XIRP2: variants seen among roughly 807,000 people sequenced by gnomAD.
XIRP2 encodes the protein xin actin binding repeat containing 2.
Under a neutral mutation model 277.0 loss-of-function variants are expected in XIRP2, and 236 were observed. That is an observed-to-expected ratio of 0.85 (90% CI 0.77 to 0.95). The LOEUF (loss-of-function observed/expected upper bound fraction) is 0.95, where lower values mean the gene tolerates loss of function less well. Ranked by LOEUF, XIRP2 falls within the 40% of genes least tolerant of loss-of-function variation. The pLI is 0.00. For synonymous variants in XIRP2, 1,490 were observed against 1,416.5 expected, an observed-to-expected ratio of 1.05 and a Z score of -1.17; for missense variants, 4,640 against 4,157.5, an observed-to-expected ratio of 1.12 and a Z score of -3.19.
chr2:167,115,003 C>A (rs1167554368), intron 2 of XIRP2, among the ~76,000 whole-genome samples: 1 of 152,090 alleles, frequency 6.6e-6, no homozygotes, highest in Non-Finnish European at 1.5e-5. Flanking sequence ...AGTTCTAGAT[C>A]CCTGAGGAAT....
At chr2:167,147,342 G>C (rs1373809211) in intron 3 of XIRP2, among the ~76,000 whole-genome samples, 2 of 152,114 alleles carry the variant, frequency 1.3e-5, no homozygotes, top group Admixed American at 1.3e-4. Context: ...CCAGCTCCTG[G>C]GAAACAACCT....
chr2:166,904,045 C>A (rs1684456373), intron 2 of XIRP2, among the ~76,000 whole-genome samples, 155 bp downstream of exon 2: 1 of 152,070 alleles, frequency 6.6e-6, no homozygotes, highest in South Asian at 2.1e-4. Context: ...ACATCCTCTC[C>A]TATTAATTTT....
chr2:167,075,840 A>T lies in XIRP2; in HGVS notation c.409-60069A>T, dbSNP rs575683447. On this transcript the variant is annotated intron_variant, in intron 2 of 10. Coordinates refer to ENST00000409195, the MANE Select transcript of XIRP2 (RefSeq NM_152381.6). ...TTTTTTTTTTGTATTTTTAGTATTGATGGGGTTTCGCCATGTTGGCCAGGT... is the reference window on the plus strand; with the variant it reads ...TTTTTTTTTTGTATTTTTAGTATTGTTGGGGTTTCGCCATGTTGGCCAGGT... Among the ~76,000 whole-genome samples, 6 of 144,788 alleles carry T rather than the reference A, an allele frequency of 4.1e-5. No homozygotes were observed. In the East Asian group the frequency reaches 1.2e-3, roughly 30 times the overall value. 95.0% of individuals were successfully genotyped at this position (144,788 alleles called of 152,430 possible). A position where few individuals can be genotyped will look rare whatever the true frequency, so the allele number is the denominator to read the frequency against.
chr2:167,055,044 T>C, intron 2 of XIRP2, among the ~76,000 whole-genome samples: 1 of 152,230 alleles, frequency 6.6e-6, no homozygotes, highest in Non-Finnish European at 1.5e-5. Context: ...CTGTTTGAAC[T>C]CAGCTAGACT....
At position 167,251,900 on chromosome 2, in the gene XIRP2, C is replaced by T. The variant is rs1191284659; in HGVS notation, c.10508C>T (p.Ala3503Val). The T allele has an allele frequency of 2.5e-6, 4 of 1,591,854 alleles. No homozygotes were observed. Among genetic ancestry groups the T allele is most frequent in the Non-Finnish European group, 2.6e-6 (3 of 1,171,768 alleles). Residue 3503 changes from alanine to valine, a missense_variant, in exon 9 of 11, where the codon GCA becomes GTA. Transcript: ENST00000409195. ...GGATATGCAACCGCAGATGCTTCTGCAACTGAGATGAGAACCACCTTCCAA... is the reference window on the plus strand; with the variant it reads ...GGATATGCAACCGCAGATGCTTCTGTAACTGAGATGAGAACCACCTTCCAA... ...GLGYATADAS[A>V]TEMRTTFQEE...
intron 2 of XIRP2, among the ~76,000 whole-genome samples, chr2:167,059,598 C>T (rs79207593): frequency 0.079 from 11,946 of 152,074 alleles, 846 homozygotes; most frequent in African/African-American, 0.18. Flanking sequence ...AATCAACTTA[C>T]GGGGAAATTG....
Position 167,244,605 on chromosome 2 carries a change from T to C in XIRP2, c.3213T>C (p.Ser1071=), listed in dbSNP as rs150100228. ...TQPLDSIKYF[S]DVEETESKTE... is the part of the protein sequence containing the mutation. ...CTCTTGATTCAATTAAATATTTTAG[T>C]GATGTGGAAGAAACAGAAAGTAAAA... Residue 1071 remains serine, a synonymous_variant, in exon 9 of 11, where the codon AGT becomes AGC. Transcript: ENST00000409195. 1 of 1,612,622 alleles carries C rather than the reference T, an allele frequency of 6.2e-7. No homozygotes were observed. Among genetic ancestry groups the C allele is most frequent in the African/African-American group, 1.3e-5 (1 of 74,920 alleles).
rs763439086 is a variant in XIRP2, at chr2:167,248,468, G to T, written c.7076G>T (p.Ser2359Ile). 1.2e-6 allele frequency: 2 copies of T among 1,613,394 alleles called. No individual in the cohort carries two copies. The highest frequency in any genetic ancestry group is 1.7e-6 in the Non-Finnish European group (2 of 1,179,712). Residue 2359 changes from serine (S) to isoleucine (I), a missense_variant, in exon 9 of 11, where the codon AGT becomes ATT. By Grantham distance (142) the Ser-to-Ile change is moderately radical (BLOSUM62 -2). Coordinates refer to ENST00000409195, the MANE Select transcript of XIRP2 (RefSeq NM_152381.6). ...GTAGATGAGAAATCTGAAAGAGAAA[G>T]TTCATCGATGTTTCTGCCGCCTCCT... ...PPVDEKSERE[S>I]SSMFLPPPPP...
chr2:167,027,308 C>G (rs890413802), intron 2 of XIRP2, among the ~76,000 whole-genome samples: 8 of 152,134 alleles, frequency 5.3e-5, no homozygotes, highest in Non-Finnish European at 1.0e-4. Flanking sequence ...GCTCCTGAGG[C>G]TTCTACATTC....
intron 2 of XIRP2, among the ~76,000 whole-genome samples, chr2:166,911,542 A>G (rs1487393100): frequency 6.6e-6 from 1 of 152,032 alleles, no homozygotes; most frequent in Non-Finnish European, 1.5e-5. Flanking sequence ...CAGCAACCTG[A>G]TGGGTCTTGA....
intron 2 of XIRP2, among the ~76,000 whole-genome samples, chr2:166,982,000 C>T (rs1260941445): frequency 6.6e-6 from 1 of 152,134 alleles, no homozygotes; most frequent in Non-Finnish European, 1.5e-5. Context: ...TCAGCTTTAA[C>T]AACTTTCTTT....
Position 167,248,364 on chromosome 2 carries a change from G to A in XIRP2, c.6972G>A (p.Gly2324=). Residue 2324 remains glycine, a synonymous_variant, in exon 9 of 11, where the codon GGG becomes GGA. Transcript: ENST00000409195. ...TGATGATGTTTCCTGAAAAAAATGG[G>A]TTTCTTCCCTCACTGTCCACAGAGA... ...PPLMMFPEKN[G]FLPSLSTEKI... 6.2e-7 allele frequency: 1 copy of A among 1,613,378 alleles called. No homozygotes were observed. Among genetic ancestry groups the A allele is most frequent in the Non-Finnish European group, 8.5e-7 (1 of 1,179,762 alleles).
intron 2 of XIRP2, among the ~76,000 whole-genome samples, chr2:167,082,296 T>G (rs2105263336): frequency 6.6e-6 from 1 of 152,314 alleles, no homozygotes; most frequent in East Asian, 1.9e-4. Context: ...TATGGCTGCA[T>G]AGTATTGCAT....
chr2:167,016,680 C>A (rs1687834438), intron 2 of XIRP2, among the ~76,000 whole-genome samples: 1 of 151,784 alleles, frequency 6.6e-6, no homozygotes, highest in Admixed American at 6.6e-5. Flanking sequence ...GGAGGAAATG[C>A]CTATGAAAAA....
intron 3 of XIRP2, among the ~76,000 whole-genome samples, chr2:167,157,418 CA>C (rs1692233108): frequency 6.6e-6 from 1 of 152,112 alleles, no homozygotes; most frequent in South Asian, 2.1e-4. Context: ...TCCTAGATCT[CA>C]AAGTCAATAT....
intron 2 of XIRP2, among the ~76,000 whole-genome samples, chr2:167,013,103 G>A (rs376868205): frequency 5.3e-4 from 80 of 151,056 alleles, no homozygotes; most frequent in East Asian, 1.8e-3. Flanking sequence ...AAACTATATC[G>A]TAGCTCTGAT....
At chr2:167,028,361 G>A (rs1362468215) in intron 2 of XIRP2, among the ~76,000 whole-genome samples, 1 of 152,010 alleles carries the variant, frequency 6.6e-6, no homozygotes, top group Admixed American at 6.6e-5. Context: ...AGGACATACT[G>A]AGAGACTCCA....
rs2105337173 is a variant in XIRP2 at position 166,903,958 on chromosome 2, T to C, written c.408+68T>C. The C allele has an allele frequency of 1.3e-6, 2 of 1,522,904 alleles. 1 individual carries two copies. The highest frequency in any genetic ancestry group is 2.5e-5 in the South Asian group (2 of 80,204). 94.3% of individuals were successfully genotyped at this position (1,522,904 alleles called of 1,614,324 possible). ...CCTTGCCTAGCCTACCATTTATTAC[T>C]AAGCATGTAATCTTTCCCCCCGCCA... On this transcript the variant is annotated intron_variant, in intron 2 of 10. Transcript: ENST00000409195.
In XIRP2 at chr2:167,245,577, A is replaced by T; in HGVS notation, c.4185A>T (p.Pro1395=). The part of the protein sequence containing the change: ...SSVRYRFETQ[P]LDQISEESHN... ...TCAGATACAGATTTGAAACTCAGCC[A>T]CTGGATCAGATTTCTGAAGAATCAC... The change falls in exon 9 of 11, where the codon CCA becomes CCT. Residue 1395 remains proline (P), a synonymous_variant. Transcript: ENST00000409195. The T allele has an allele frequency of 6.2e-7, 1 of 1,613,710 alleles. No individual in the cohort carries two copies. The highest frequency in any genetic ancestry group is 8.5e-7 in the Non-Finnish European group (1 of 1,179,752).
Sources: gnomAD v4.1 joint callset for allele counts (sites outside exome capture counted in the v4.1 genomes callset) on GRCh38, gnomAD v4.1.1 for gene constraint, MANE v1.5 for transcripts, NCBI Gene and HGNC (gene_info 2026-07-23, HGNC 2026-07-21) for gene names.